GABRG3: variants seen among roughly 807,000 people sequenced by gnomAD.
GABRG3 encodes the protein gamma-aminobutyric acid receptor subunit gamma-3.
A neutral mutation model predicts 48.8 loss-of-function variants in GABRG3; 25 were observed. The ratio of observed to expected loss-of-function variants is 0.51; its 90% CI spans 0.37 to 0.72. GABRG3 has a LOEUF of 0.72. Among genes scored for constraint, GABRG3 ranks in the 30% least tolerant of loss-of-function variants. GABRG3 has a pLI of 0.00. For synonymous variants in GABRG3, 227 were observed against 217.6 expected, an observed-to-expected ratio of 1.04 and a Z score of -0.38; for missense variants, 394 against 577.9, an observed-to-expected ratio of 0.68 and a Z score of 3.26.
At chr15:26,985,799 G>C (rs1167760195) in intron 2 of GABRG3, among the ~76,000 whole-genome samples, 1 of 152,216 alleles carries the variant, frequency 6.6e-6, no homozygotes, top group Non-Finnish European at 1.5e-5. Context: ...GTATGATTAA[G>C]ATACTATGAT....
chr15:27,355,474 TAAC>T (rs1451976235), intron 5 of GABRG3, among the ~76,000 whole-genome samples: 3 of 152,162 alleles, frequency 2.0e-5, no homozygotes, highest in Non-Finnish European at 4.4e-5. Flanking sequence ...AAAGATACCA[TAAC>T]AACAAGTGTT....
chr15:27,044,073 G>A (rs1896323534), intron 3 of GABRG3, among the ~76,000 whole-genome samples: 1 of 152,234 alleles, frequency 6.6e-6, no homozygotes, highest in African/African-American at 2.4e-5. Context: ...CAGGGGAGGT[G>A]AGAGAGGAGA....
At chr15:27,414,465 A>C (rs1887885387) in intron 5 of GABRG3, among the ~76,000 whole-genome samples, 1 of 152,116 alleles carries the variant, frequency 6.6e-6, no homozygotes, top group Non-Finnish European at 1.5e-5. Context: ...GTGATGCTTT[A>C]AGTGGGAAGG....
intron 3 of GABRG3, among the ~76,000 whole-genome samples, chr15:27,103,784 T>C (rs1897401503): frequency 6.6e-6 from 1 of 152,160 alleles, no homozygotes; most frequent in African/African-American, 2.4e-5. Flanking sequence ...CTCAGAACTC[T>C]TGAGGTTCTC....
At chr15:27,097,816 T>C (rs1897289953) in intron 3 of GABRG3, among the ~76,000 whole-genome samples, 1 of 152,138 alleles carries the variant, frequency 6.6e-6, no homozygotes, top group Non-Finnish European at 1.5e-5. Context: ...CAAAATGTCA[T>C]ACTGTCAAGG....
At chr15:27,030,061 A>G (rs2140685771) in intron 3 of GABRG3, among the ~76,000 whole-genome samples, 1 of 152,304 alleles carries the variant, frequency 6.6e-6, no homozygotes, top group African/African-American at 2.4e-5. Flanking sequence ...GTAGGTGGGT[A>G]TTGGGGATTG....
chr15:27,122,557 G>T lies in GABRG3; in HGVS notation c.270+95736G>T, dbSNP rs557318624. ...TCCCTATGACTCTGCTTTGCACTTG[G>T]TAAAAAATAAAAGCAATTGAGAGAG... On this transcript the variant is annotated intron_variant, in intron 3 of 9. Transcript: ENST00000615808. Among the ~76,000 whole-genome samples, 29 of 152,272 alleles carry T rather than the reference G, an allele frequency of 1.9e-4. No homozygotes were observed. The South Asian group carries it at 6.0e-3, about 32-fold the overall frequency.
chr15:27,152,007 A>G (rs1411928922), intron 3 of GABRG3, among the ~76,000 whole-genome samples: 1 of 152,164 alleles, frequency 6.6e-6, no homozygotes. Flanking sequence ...TTTAATTTTG[A>G]TGAAGTCTAA....
At chr15:27,203,224 G>A (rs920933873) in intron 3 of GABRG3, among the ~76,000 whole-genome samples, 2 of 152,086 alleles carry the variant, frequency 1.3e-5, no homozygotes, top group African/African-American at 2.4e-5. Context: ...AAGCCCCAGT[G>A]TATATTGTAC....
intron 5 of GABRG3, among the ~76,000 whole-genome samples, chr15:27,412,345 C>A (rs921634321): frequency 6.6e-6 from 1 of 152,096 alleles, no homozygotes; most frequent in Non-Finnish European, 1.5e-5. Flanking sequence ...CACATTCACT[C>A]CCTCCTGTCC....
At chr15:27,158,056 T>A in intron 3 of GABRG3, 1 of 152,032 alleles carries the variant, frequency 6.6e-6, no homozygotes, top group East Asian at 1.9e-4. Flanking sequence ...TGAACCAGAC[T>A]ATGAGCTGGC....
rs1217284175 is a variant in GABRG3, at chr15:27,003,764, T to A, written c.203-22990T>A. ...ACACCTCCCAGACGGGGTGGTGGCC[T>A]GGCAGAGGGGCTCCTCACTTCCCAG... On this transcript the variant is annotated intron_variant, in intron 2 of 9. Coordinates refer to ENST00000615808, the MANE Select transcript of GABRG3 (RefSeq NM_033223.5). Among the ~76,000 whole-genome samples the A allele has an allele frequency of 6.0e-5, 9 of 151,238 alleles. 1 individual carries two copies. The highest frequency in any genetic ancestry group is 3.3e-4 in the Admixed American group (5 of 15,218).
At chr15:27,521,056 T>A (rs927926364) in intron 7 of GABRG3, among the ~76,000 whole-genome samples, 2 of 152,022 alleles carry the variant, frequency 1.3e-5, no homozygotes, top group Non-Finnish European at 2.9e-5. Context: ...ACCCTTGGGG[T>A]TATGGCTTCA....
At chr15:27,387,879 GA>G (rs1895979135) in intron 5 of GABRG3, among the ~76,000 whole-genome samples, 2 of 72,826 alleles carry the variant, frequency 2.7e-5, no homozygotes, top group Non-Finnish European at 5.7e-5. Flanking sequence ...GGGAGGGAGG[GA>G]GGGGAAGGAG....
intron 6 of GABRG3, among the ~76,000 whole-genome samples, chr15:27,503,614 T>G (rs1011929466): frequency 2.0e-5 from 3 of 152,242 alleles, no homozygotes. Flanking sequence ...TACAGTCTAT[T>G]TGATGTGCAC....
intron 3 of GABRG3, among the ~76,000 whole-genome samples, chr15:27,086,077 A>C (rs1283088017): frequency 6.6e-6 from 1 of 150,418 alleles, no homozygotes; most frequent in Non-Finnish European, 1.5e-5. Context: ...TAAATATTAC[A>C]TACAGTTTAA....
At chr15:27,518,956 G>A (rs1432975704) in intron 6 of GABRG3, among the ~76,000 whole-genome samples, 1 of 152,208 alleles carries the variant, frequency 6.6e-6, no homozygotes, top group Non-Finnish European at 1.5e-5. Flanking sequence ...ACTAGATGGG[G>A]AAAGGATTTG....
Position 27,538,948 on chromosome 15 carries a change from G to A in GABRG3, c.*6067G>A, listed in dbSNP as rs1891607476. ...GCGAGCCCACAGCACAATTATTGCAGTCCCCAAGATGTCAGTCTTCTCAAA... is the reference window on the plus strand; with the variant it reads ...GCGAGCCCACAGCACAATTATTGCAATCCCCAAGATGTCAGTCTTCTCAAA... On this transcript the variant is annotated 3_prime_UTR_variant, in exon 10 of 10. Transcript: ENST00000615808. 1 of 152,170 alleles carries A rather than the reference G, an allele frequency of 6.6e-6. No homozygotes were observed. The highest frequency in any genetic ancestry group is 2.1e-4 in the South Asian group (1 of 4,828). The allele number at this position is 152,170 out of a possible 1,614,324, so 9.4% of individuals were successfully genotyped here. A position where few individuals can be genotyped will look rare whatever the true frequency, so the allele number is the denominator to read the frequency against.
intron 3 of GABRG3, among the ~76,000 whole-genome samples, chr15:27,107,507 A>G (rs963694959): frequency 4.6e-5 from 7 of 151,744 alleles, no homozygotes; most frequent in Non-Finnish European, 1.5e-5. Flanking sequence ...CTTTTTTTGT[A>G]GTGTTTTTAT....
Sources: allele counts gnomAD v4.1 joint callset (sites outside exome capture counted in the v4.1 genomes callset), GRCh38; gene constraint gnomAD v4.1.1; transcripts MANE v1.5; gene names NCBI Gene and HGNC (gene_info 2026-07-23, HGNC 2026-07-21).